Variants in SYN2 observed in about 807,000 individuals in gnomAD.
SYN2 encodes synapsin II.
SYN2 carries 19 observed loss-of-function variants against 50.9 expected under a neutral mutation model. The ratio of observed to expected loss-of-function variants is 0.37; its 90% confidence interval spans 0.26 to 0.55. The LOEUF (loss-of-function observed/expected upper bound fraction) is 0.55, where lower values mean the gene tolerates loss of function less well. SYN2 is among the 20% of genes least tolerant of loss of function. The pLI, the probability that SYN2 is intolerant of heterozygous loss-of-function variation, is 0.81. For synonymous variants in SYN2, 255 were observed against 224.9 expected (o/e 1.13, Z -1.20); for missense variants, 587 against 576.4 (o/e 1.02, Z -0.19).
chr3:12,172,996 A>T (rs1488839064), intron 10 of SYN2, among the ~76,000 whole-genome samples: 1 of 152,220 alleles, frequency 6.6e-6, no homozygotes, highest in Non-Finnish European at 1.5e-5. Context: ...GTGTGCTTAA[A>T]ATTAGTTAAT....
chr3:12,048,812 C>T (rs760230948), intron 1 of SYN2, among the ~76,000 whole-genome samples: 18 of 152,146 alleles, frequency 1.2e-4, no homozygotes, highest in Non-Finnish European at 1.9e-4. Flanking sequence ...AATGGTAGCT[C>T]GGGTTCAAAT....
At chr3:12,052,164 CGTT>C (rs1229529825) in intron 1 of SYN2, among the ~76,000 whole-genome samples, 1 of 152,114 alleles carries the variant, frequency 6.6e-6, no homozygotes, top group African/African-American at 2.4e-5. Context: ...ACATGCTAGG[CGTT>C]GTGCTAGACT....
At chr3:12,042,587 G>C (rs1021566061) in intron 1 of SYN2, among the ~76,000 whole-genome samples, 3 of 152,202 alleles carry the variant, frequency 2.0e-5, no homozygotes, top group African/African-American at 7.2e-5. Context: ...TCTAAAGAAG[G>C]AGGGTGTAGT....
At chr3:12,114,829 A>T (rs1304746402) in intron 1 of SYN2, among the ~76,000 whole-genome samples, 1 of 152,188 alleles carries the variant, frequency 6.6e-6, no homozygotes, top group Non-Finnish European at 1.5e-5. Context: ...ATGTAGGTTA[A>T]AGGCAGTTGC....
chr3:12,009,379 A>G (rs1693870681), intron 1 of SYN2, among the ~76,000 whole-genome samples: 1 of 150,866 alleles, frequency 6.6e-6, no homozygotes, highest in Non-Finnish European at 1.5e-5. Context: ...CATTTTTACT[A>G]TTTTCTACCT....
intron 1 of SYN2, among the ~76,000 whole-genome samples, chr3:12,106,046 C>T (rs1027642890): frequency 1.8e-4 from 28 of 152,142 alleles, no homozygotes; most frequent in African/African-American, 6.5e-4. Flanking sequence ...GAGTTCTTAT[C>T]TGGAGACACT....
chr3:12,170,303 C>T (rs971834998), intron 10 of SYN2, among the ~76,000 whole-genome samples: 1 of 152,204 alleles, frequency 6.6e-6, no homozygotes, highest in African/African-American at 2.4e-5. Flanking sequence ...GTTGAGCCTG[C>T]TATCTTCGTA....
chr3:12,182,051 C>T (rs1574893304), intron 10 of SYN2, among the ~76,000 whole-genome samples: 1 of 152,334 alleles, frequency 6.6e-6, no homozygotes, highest in South Asian at 2.1e-4. Flanking sequence ...CTCCCAGCTG[C>T]TCTCCCAAAT....
chr3:12,070,518 C>T (rs1314618184), intron 1 of SYN2: 8 of 776,950 alleles, frequency 1.0e-5, no homozygotes, highest in Admixed American at 1.8e-5. Context: ...CAGTGAGTTG[C>T]GTGTGGCCCC....
intron 1 of SYN2, among the ~76,000 whole-genome samples, chr3:12,066,278 G>A (rs1367841316): frequency 1.3e-5 from 2 of 152,152 alleles, no homozygotes; most frequent in Non-Finnish European, 2.9e-5. Flanking sequence ...CTTGGGGATT[G>A]TGGGAACTCT....
chr3:12,096,734 A>C (rs76958853), intron 1 of SYN2, among the ~76,000 whole-genome samples: 7,534 of 152,198 alleles, frequency 0.05, 262 homozygotes, highest in East Asian at 0.15. Flanking sequence ...CTCTCCATAT[A>C]TAGTAGAAGT....
intron 1 of SYN2, among the ~76,000 whole-genome samples, chr3:12,046,257 A>T (rs1694736356): frequency 6.6e-6 from 1 of 152,172 alleles, no homozygotes; most frequent in African/African-American, 2.4e-5. Context: ...GGTTTTGGTG[A>T]GTATATTACA....
intron 1 of SYN2, among the ~76,000 whole-genome samples, chr3:12,117,925 G>A (rs1160273221): frequency 6.6e-6 from 1 of 152,180 alleles, no homozygotes; most frequent in East Asian, 1.9e-4. Context: ...ACTACCTGGA[G>A]GGTGTTAGAT....
intron 1 of SYN2, among the ~76,000 whole-genome samples, chr3:12,026,360 C>T (rs780202198): frequency 5.3e-5 from 8 of 151,798 alleles, no homozygotes; most frequent in Non-Finnish European, 1.2e-4. Context: ...CGTGAAAGAT[C>T]ATGAGTGGCA....
chr3:12,126,195 A>G (rs900133255), intron 1 of SYN2, among the ~76,000 whole-genome samples: 2 of 152,262 alleles, frequency 1.3e-5, no homozygotes, highest in African/African-American at 2.4e-5. Context: ...TTTCTGCTTC[A>G]TCATTCCCCA....
At chr3:12,062,815 CA>C (rs1265847102) in intron 1 of SYN2, among the ~76,000 whole-genome samples, 1 of 151,920 alleles carries the variant, frequency 6.6e-6, no homozygotes, top group African/African-American at 2.4e-5. Flanking sequence ...TCATAATCAG[CA>C]AAAACTGGAA....
intron 1 of SYN2, among the ~76,000 whole-genome samples, chr3:12,026,494 A>T (rs150685681): frequency 1.8e-4 from 27 of 152,250 alleles, no homozygotes; most frequent in African/African-American, 6.5e-4. Flanking sequence ...CTAGAATAGG[A>T]GGCTGGGGAA....
rs143548221 is a variant in SYN2, at chr3:12,057,029, G to A, written c.377+52101G>A. ...ATCTGGGCCAGGTGTGGTGGCTCAC[G>A]CCTGTAATCCCAGCACCTTTGGGAG... On this transcript the variant is annotated intron_variant, in intron 1 of 12. Transcript: ENST00000621198. 5.9e-5 allele frequency among the ~76,000 whole-genome samples: 9 copies of A among 152,240 alleles called. No homozygotes were observed. In the South Asian group the frequency reaches 6.2e-4, roughly 11 times the overall value.
At chr3:12,056,636 G>A (rs1428071267) in intron 1 of SYN2, among the ~76,000 whole-genome samples, 1 of 152,150 alleles carries the variant, frequency 6.6e-6, no homozygotes, top group African/African-American at 2.4e-5. Context: ...CATTCAAAAT[G>A]GATTATTCTT....
Sources: gnomAD v4.1 joint callset for allele counts (sites outside exome capture counted in the v4.1 genomes callset) on GRCh38, gnomAD v4.1.1 for gene constraint, MANE v1.5 for transcripts, NCBI Gene and HGNC (gene_info 2026-07-23, HGNC 2026-07-21) for gene names.